The following FLII variants were observed in gnomAD, a reference collection of about 807,000 sequenced individuals.
FLII encodes the protein protein flightless-1 homolog.
Under a neutral mutation model 156.2 loss-of-function variants are expected in FLII, and 101 were observed. The observed-to-expected ratio is 0.65, with a 90% CI of 0.55 to 0.76. The LOEUF (loss-of-function observed/expected upper bound fraction) is 0.76, where lower values mean the gene tolerates loss of function less well. FLII is among the 30% of genes least tolerant of loss of function. The probability of loss-of-function intolerance (pLI) is 0.00; values close to 1 mark genes in which losing one functional copy is unlikely to be tolerated. For synonymous variants in FLII, 767 were observed against 685.8 expected, an observed-to-expected ratio of 1.12 and a Z score of -1.85; for missense variants, 1,675 against 1,682.8, an observed-to-expected ratio of 1.00 and a Z score of 0.08.
In FLII at chr17:18,246,749, C is replaced by T. The variant is rs1567705857; in HGVS notation, c.2896G>A (p.Glu966Lys). The T allele has an allele frequency of 6.2e-7, 1 of 1,613,808 alleles. No individual in the cohort carries two copies. The highest frequency in any genetic ancestry group is 8.5e-7 in the Non-Finnish European group (1 of 1,179,828). The change falls in exon 23 of 30, where the codon GAA becomes AAA. Residue 966 changes from glutamate to lysine, a missense_variant. Glu to Lys is a moderately conservative substitution (Grantham distance 56, BLOSUM62 1). Around this residue, in one of 2 missense-constraint regions of FLII, gnomAD observed 1,332 missense variants for 1,269.3 expected, o/e 1.05. Coordinates refer to ENST00000327031, the MANE Select transcript of FLII (RefSeq NM_002018.4). ...TTCTCCTCTGCCTCAGCGGTTGCTT[C>T]CTCGCCTTCTTTGCCCTCGGCCTTC... is the stretch of plus-strand genomic sequence containing the variant. The part of the protein sequence containing the change: ...EEKAEGKEGE[E>K]ATAEAEEKQP...
chr17:18,256,629 G>A, intron 2 of FLII, 32 bp from the exon 3 acceptor site: 1 of 1,533,752 alleles, frequency 6.5e-7, no homozygotes, highest in Non-Finnish European at 8.8e-7. Flanking sequence ...AGGCTCAGCA[G>A]GGTGGGTGGG....
chr17:18,246,861 G>A (rs759740008), intron 22 of FLII, 33 bp from the exon 23 acceptor site: 2 of 1,613,712 alleles, frequency 1.2e-6, no homozygotes, highest in Non-Finnish European at 8.5e-7. Flanking sequence ...GCAGGGGCTC[G>A]AGCCCCCAGC....
chr17:18,245,144 C>A lies in FLII; in HGVS notation c.3804G>T (p.Leu1268=). The A allele has an allele frequency of 6.2e-7, 1 of 1,612,392 alleles. No homozygotes were observed. Among genetic ancestry groups the A allele is most frequent in the Non-Finnish European group, 8.5e-7 (1 of 1,179,070 alleles). The change falls in exon 30 of 30, where the codon CTG becomes CTT. Residue 1268 remains leucine, a synonymous_variant. Coordinates refer to ENST00000327031, the MANE Select transcript of FLII (RefSeq NM_002018.4). ...GGGGCTGTGCCAGCCTGTCTTAGGC[C>A]AGGGCCTTGCAGAAGGCGCTCCAGG... ...FHAWSAFCKA[L]A
At position 18,254,579 on chromosome 17, in the gene FLII, G is replaced by A. The variant is rs1371466379; in HGVS notation, c.517C>T (p.Leu173=). The change falls in exon 6 of 30, where the codon CTG becomes TTG. Residue 173 remains leucine (L), a synonymous_variant. Transcript: ENST00000327031. The stretch of plus-strand genomic sequence containing the variant: ...AGCACGAGCGTCTGCAGGTGCACCA[G>A]GCGGCGCATCTGCGGGGGCAGGCTC... ...LESLPPQMRR[L]VHLQTLVLNG... 1 of 1,613,674 alleles carries A rather than the reference G, an allele frequency of 6.2e-7. No individual in the cohort carries two copies. Among genetic ancestry groups the A allele is most frequent in the Non-Finnish European group, 8.5e-7 (1 of 1,179,932 alleles).
At chr17:18,256,779 T>C (rs932014494) in intron 2 of FLII, 130 bp downstream of exon 2, 7 of 778,124 alleles carry the variant, frequency 9.0e-6, no homozygotes, top group African/African-American at 1.7e-5. Context: ...GGGTGCCCAC[T>C]CCCTTTCTTC....
At chr17:18,252,419 G>A in intron 10 of FLII, 53 bp downstream of exon 10, 1 of 1,556,646 alleles carries the variant, frequency 6.4e-7, no homozygotes, top group Non-Finnish European at 8.9e-7. Flanking sequence ...CTTGCTCCAG[G>A]GCACACCCCT....
Position 18,245,815 on chromosome 17 carries a change from G to A in FLII, c.3432C>T (p.Phe1144=). 6 of 1,614,002 alleles carry A rather than the reference G, an allele frequency of 3.7e-6. No homozygotes were observed. The highest frequency in any genetic ancestry group is 5.1e-6 in the Non-Finnish European group (6 of 1,179,976). ...INEGEEPENF[F]WVGIGAQKPY... is the part of the protein sequence containing the mutation. ...GCTTCTGTGCCCCAATGCCCACCCA[G>A]AAGAAGTTCTCAGGCTCCTCACCTT... is the stretch of plus-strand genomic sequence containing the variant. Residue 1144 remains phenylalanine, a synonymous_variant, in exon 27 of 30, where the codon TTC becomes TTT. Coordinates refer to ENST00000327031, the MANE Select transcript of FLII (RefSeq NM_002018.4).
Position 18,248,652 on chromosome 17 carries a change from G to A in FLII, c.2088C>T (p.Gly696=). The A allele has an allele frequency of 2.5e-6, 4 of 1,613,938 alleles. No individual in the cohort carries two copies. Among genetic ancestry groups the A allele is most frequent in the African/African-American group, 1.3e-5 (1 of 75,020 alleles). The part of the protein sequence containing the change: ...GKAEITLLVQ[G]QELPEFWEAL... Reference sequence around the variant, plus strand: ...CCTCCCAGAACTCTGGGAGCTCCTGGCCCTGCACCAGCAGTGTGATCTCAG... The same window carrying A: ...CCTCCCAGAACTCTGGGAGCTCCTGACCCTGCACCAGCAGTGTGATCTCAG... The change falls in exon 18 of 30, where the codon GGC becomes GGT. Residue 696 remains glycine (G), a synonymous_variant. Coordinates refer to ENST00000327031, the MANE Select transcript of FLII (RefSeq NM_002018.4).
Position 18,246,151 on chromosome 17 carries a change from C to T in FLII, c.3267+11G>A. The T allele has an allele frequency of 1.9e-6, 3 of 1,614,172 alleles. No individual in the cohort carries two copies. The highest frequency in any genetic ancestry group is 1.1e-5 in the South Asian group (1 of 91,084). ...GGTCCACGGAGTCCTGGCTCACACC[C>T]ACAACCCCACCTTGAGGATGAAGCA... On this transcript the variant is annotated intron_variant, in intron 25 of 29. Coordinates refer to ENST00000327031, the MANE Select transcript of FLII (RefSeq NM_002018.4).
At chr17:18,253,996 G>T (rs758032641) in intron 7 of FLII, 83 bp downstream of exon 7, 1 of 1,062,778 alleles carries the variant, frequency 9.4e-7, no homozygotes, top group Non-Finnish European at 1.4e-6. Context: ...GGTCCGAAGA[G>T]CAGGGTTCAA....
intron 22 of FLII, 33 bp downstream of exon 22, chr17:18,246,880 A>G: frequency 6.2e-7 from 1 of 1,613,842 alleles, no homozygotes; most frequent in African/African-American, 1.3e-5. Context: ...GCACCAGGGG[A>G]GGGACTTGGG....
At position 18,258,355 on chromosome 17, in the gene FLII, G is replaced by T; in HGVS notation, c.63+273C>A. On this transcript the variant is annotated intron_variant, in intron 1 of 29. Transcript: ENST00000327031. This position sits in a 1 kb window ranked among gnomAD's most constrained non-coding sequence, Gnocchi z 4.2. ...ACCATCCAGCCTAGACCGAGAACAC[G>T]GACGCGGGGTGGGGGCTCCCGGCCG... The T allele has an allele frequency of 2.4e-6, 2 of 819,970 alleles. No individual in the cohort carries two copies. Among genetic ancestry groups the T allele is most frequent in the Non-Finnish European group, 3.7e-6 (2 of 540,960 alleles). 50.8% of individuals were successfully genotyped at this position (819,970 alleles called of 1,614,324 possible).
intron 14 of FLII, among the ~76,000 whole-genome samples, chr17:18,249,874 T>G (rs1254445934): frequency 6.6e-6 from 1 of 151,746 alleles, no homozygotes; most frequent in Admixed American, 6.6e-5. Flanking sequence ...ATCTTAGTAC[T>G]TTGGGAGGCC....
Position 18,247,014 on chromosome 17 carries a change from G to C in FLII, c.2715C>G (p.Asp905Glu). 6.2e-7 allele frequency: 1 copy of C among 1,613,890 alleles called. No individual in the cohort carries two copies. The highest frequency in any genetic ancestry group is 8.5e-7 in the Non-Finnish European group (1 of 1,180,016). The change falls in exon 22 of 30, where the codon GAC becomes GAG. Residue 905 changes from aspartate (D) to glutamate (E), a missense_variant. Around this residue, in one of 2 missense-constraint regions of FLII, gnomAD observed 1,332 missense variants for 1,269.3 expected, o/e 1.05. Transcript: ENST00000327031. The stretch of plus-strand genomic sequence containing the variant: ...CCTCCAGCACGAAACCCTCCATGCC[G>C]TCTAGGTCTTCGTTCCACTCCTCCA... Reference protein sequence around the residue: ...QLMEEWNEDLDGMEGFVLEGK... With the variant: ...QLMEEWNEDLEGMEGFVLEGK...
Position 18,254,690 on chromosome 17 carries a change from T to TG in FLII, c.414-9dup, listed in dbSNP as rs2048366387. On this transcript the variant is annotated splice_polypyrimidine_tract_variant and intron_variant, in intron 5 of 29. Transcript: ENST00000327031. ...TTGGGGATGGTGTCGATGCTACGGG[T>TG]GGGGAGCAGGAGCCACCTGAGTCAG... is the stretch of plus-strand genomic sequence containing the variant. 1 of 1,613,380 alleles carries TG rather than the reference T, an allele frequency of 6.2e-7. No homozygotes were observed. The highest frequency in any genetic ancestry group is 1.3e-5 in the African/African-American group (1 of 74,930).
intron 11 of FLII, 47 bp from the exon 12 acceptor site, chr17:18,251,863 C>A: frequency 6.2e-7 from 1 of 1,611,260 alleles, no homozygotes; most frequent in Non-Finnish European, 8.5e-7. Context: ...CCTGCTGCCC[C>A]CTTGGGCATG....
At chr17:18,254,447 C>T (rs2048358227) in intron 6 of FLII, 74 bp downstream of exon 6, 9 of 1,452,586 alleles carry the variant, frequency 6.2e-6, no homozygotes, top group Non-Finnish European at 8.3e-6. Flanking sequence ...GGGTTAGGGC[C>T]CTGGGAAGTG....
At position 18,246,229 on chromosome 17, in the gene FLII, A is replaced by G; in HGVS notation, c.3207-7T>C. ...GGTGTTGATCTGGATGCACCTGTGG[A>G]AGGGATGGGGCATCAGCAAGGATTC... is the stretch of plus-strand genomic sequence containing the variant. On this transcript the variant is annotated splice_region_variant and splice_polypyrimidine_tract_variant and intron_variant, in intron 24 of 29. Coordinates refer to ENST00000327031, the MANE Select transcript of FLII (RefSeq NM_002018.4). The G allele has an allele frequency of 6.2e-7, 1 of 1,613,866 alleles. No homozygotes were observed. Among genetic ancestry groups the G allele is most frequent in the Non-Finnish European group, 8.5e-7 (1 of 1,179,938 alleles).
At chr17:18,256,437 G>T in intron 3 of FLII, 89 bp downstream of exon 3, 1 of 1,053,504 alleles carries the variant, frequency 9.5e-7, no homozygotes, top group Non-Finnish European at 1.4e-6. Context: ...AGAAATGCTG[G>T]CCCAGCTTGG....
Sources: gnomAD v4.1 joint callset for allele counts (sites outside exome capture counted in the v4.1 genomes callset) on GRCh38, gnomAD v4.1.1 for gene constraint, gnomAD v4.1.1 regional missense constraint, Gnocchi (gnomAD v3.1) non-coding constraint, MANE v1.5 for transcripts, NCBI Gene and HGNC (gene_info 2026-07-23, HGNC 2026-07-21) for gene names.